The following SPATA6L variants were observed in gnomAD, a reference collection of about 807,000 sequenced individuals.
The protein encoded by SPATA6L is spermatogenesis associated 6 like.
SPATA6L carries 68 observed loss-of-function variants against 49.2 expected under a neutral mutation model. The ratio of observed to expected loss-of-function variants is 1.38; its 90% confidence interval spans 1.14 to 1.69. The LOEUF (loss-of-function observed/expected upper bound fraction) is 1.69. Among genes scored for constraint, SPATA6L ranks in the 40% most tolerant of loss-of-function variants. The pLI, the probability that SPATA6L is intolerant of heterozygous loss-of-function variation, is 0.00. For missense variants in SPATA6L, 668 were observed against 464.3 expected (o/e 1.44, Z -4.03); for synonymous variants, 198 against 165.7 (o/e 1.19, Z -1.50).
intron 2 of SPATA6L, among the ~76,000 whole-genome samples, chr9:4,660,360 A>G (rs951142669): frequency 5.9e-5 from 9 of 152,236 alleles, no homozygotes; most frequent in African/African-American, 1.7e-4. Flanking sequence ...CCCCATCAAA[A>G]AGTGGGTGAA....
chr9:4,636,859 C>T (rs1029867176), intron 3 of SPATA6L, among the ~76,000 whole-genome samples: 2 of 152,188 alleles, frequency 1.3e-5, no homozygotes, highest in Non-Finnish European at 2.9e-5. Flanking sequence ...GCTCCAGCCA[C>T]AATGGATTGA....
intron 6 of SPATA6L, 21 bp from the exon 7 acceptor site, chr9:4,622,531 T>A: frequency 5.2e-6 from 8 of 1,540,720 alleles, no homozygotes; most frequent in Non-Finnish European, 7.2e-6. Context: ...AGGAAAGAAA[T>A]AAGACTAGAA....
At chr9:4,666,112 TGTGGTAA>T in intron 1 of SPATA6L, 93 bp downstream of exon 1, 1 of 1,019,662 alleles carries the variant, frequency 9.8e-7, no homozygotes, top group African/African-American at 1.6e-5. Flanking sequence ...ATGATGTGTT[TGTGGTAA>T]GTGGGGGATG....
intron 3 of SPATA6L, chr9:4,646,295 G>C: frequency 2.6e-6 from 1 of 387,024 alleles, no homozygotes. Flanking sequence ...ACACCATAAA[G>C]TTATTATTCT....
intron 3 of SPATA6L, among the ~76,000 whole-genome samples, chr9:4,637,935 C>G (rs1833133661): frequency 6.6e-6 from 1 of 152,162 alleles, no homozygotes; most frequent in South Asian, 2.1e-4. Flanking sequence ...AACTCTTACC[C>G]TTCATTCATT....
At chr9:4,592,606 G>C (rs952799145) in intron 13 of SPATA6L, among the ~76,000 whole-genome samples, 1 of 152,184 alleles carries the variant, frequency 6.6e-6, no homozygotes, top group African/African-American at 2.4e-5. Flanking sequence ...AGAGTGCCAG[G>C]AGTGCTAGAA....
At position 4,625,189 on chromosome 9, in the gene SPATA6L, A is replaced by G; in HGVS notation, c.669+138T>C. On this transcript the variant is annotated intron_variant, in intron 6 of 11. Transcript: ENST00000682582. ...CGATCTAGGAAATGAACATAATTTA[A>G]TCACAATTATTATTCAATTTGAAGT... 6 of 1,388,202 alleles carry G rather than the reference A, an allele frequency of 4.3e-6. No individual in the cohort carries two copies. The East Asian group carries it at 1.5e-4, about 36-fold the overall frequency. The allele number at this position is 1,388,202 out of a possible 1,614,324, so 86.0% of individuals were successfully genotyped here.
rs1310172194 is a variant in SPATA6L at position 4,662,672 on chromosome 9, G to C, written c.40-636C>G. 4 of 1,600,340 alleles carry C rather than the reference G, an allele frequency of 2.5e-6. No homozygotes were observed. The highest frequency in any genetic ancestry group is 2.5e-6 in the Non-Finnish European group (3 of 1,179,862). On this transcript the variant is annotated intron_variant, in intron 1 of 11. Transcript: ENST00000682582. The surrounding 1 kb of genome is among the most constrained non-coding windows in gnomAD (Gnocchi z 4.9). ...GCATGGACTTGAACCCGTCCTTCCT[G>C]GGCATCGCCCTGCGCTCCCTGCTGG...
At chr9:4,598,058 T>G (rs1292642286), downstream of SPATA6L, among the ~76,000 whole-genome samples, 1 of 152,180 alleles carries the variant, frequency 6.6e-6, no homozygotes, top group Non-Finnish European at 1.5e-5. Flanking sequence ...CACTCTCATT[T>G]TTTAAAAATC....
At chr9:4,630,023 G>A (rs1462980023) in intron 4 of SPATA6L, among the ~76,000 whole-genome samples, 1 of 151,838 alleles carries the variant, frequency 6.6e-6, no homozygotes, top group African/African-American at 2.4e-5. Flanking sequence ...GATCTCAACA[G>A]CATTCTTCTA....
intron 3 of SPATA6L, among the ~76,000 whole-genome samples, chr9:4,647,357 C>T (rs1417591916): frequency 1.3e-5 from 2 of 152,004 alleles, no homozygotes; most frequent in Admixed American, 6.6e-5. Context: ...TTTGGGAGGC[C>T]GAGGTGAGCG....
intron 6 of SPATA6L, among the ~76,000 whole-genome samples, chr9:4,622,808 C>G (rs1829631804): frequency 6.6e-6 from 1 of 152,174 alleles, no homozygotes; most frequent in Admixed American, 6.5e-5. Context: ...AGAAAGAGAG[C>G]AAGTGAAGCT....
chr9:4,655,796 C>A (rs1838008739), intron 3 of SPATA6L, among the ~76,000 whole-genome samples: 1 of 152,110 alleles, frequency 6.6e-6, no homozygotes, highest in Non-Finnish European at 1.5e-5. Flanking sequence ...AGGGATTCAC[C>A]CGCCTCGGCC....
intron 6 of SPATA6L, among the ~76,000 whole-genome samples, chr9:4,624,061 A>G (rs1037768032): frequency 6.6e-6 from 1 of 152,226 alleles, no homozygotes; most frequent in African/African-American, 2.4e-5. Flanking sequence ...GAGATTTACT[A>G]CAATTCATAG....
chr9:4,648,379 G>C (rs1835923524), intron 3 of SPATA6L, among the ~76,000 whole-genome samples: 1 of 152,066 alleles, frequency 6.6e-6, no homozygotes, highest in African/African-American at 2.4e-5. Context: ...TATTTCCACA[G>C]GTTATTGGGG....
At chr9:4,637,048 C>T (rs1463964740) in intron 3 of SPATA6L, among the ~76,000 whole-genome samples, 2 of 152,166 alleles carry the variant, frequency 1.3e-5, no homozygotes, top group Non-Finnish European at 1.5e-5. Context: ...GGCTTCCCAT[C>T]GCATTAGAAT....
downstream of SPATA6L, among the ~76,000 whole-genome samples, chr9:4,597,279 CCTT>C (rs1482559054): frequency 3.3e-5 from 5 of 151,478 alleles, no homozygotes; most frequent in Non-Finnish European, 5.9e-5. Context: ...TAGGGAGACT[CCTT>C]CTCTATTTTT....
rs777185175 is a variant in SPATA6L at position 4,605,333 on chromosome 9, T to C, written c.1089+14A>G. The stretch of plus-strand genomic sequence containing the variant: ...TTTAGTGAGCAAAGATCTAGTTTTA[T>C]AAGAAAGTCTAACCTTGTTTTGGTG... On this transcript the variant is annotated intron_variant, in intron 10 of 11. Coordinates refer to ENST00000682582, the MANE Select transcript of SPATA6L (RefSeq NM_001353486.2). 1.9e-6 allele frequency: 3 copies of C among 1,602,968 alleles called. No homozygotes were observed. The South Asian group carries it at 3.3e-5, about 18-fold the overall frequency.
downstream of SPATA6L, among the ~76,000 whole-genome samples, chr9:4,594,563 T>C (rs1239884045): frequency 1.3e-5 from 2 of 152,196 alleles, no homozygotes; most frequent in African/African-American, 4.8e-5. Flanking sequence ...TCTAGGATCA[T>C]AAACATTTCT....
Sources: allele counts gnomAD v4.1 joint callset (sites outside exome capture counted in the v4.1 genomes callset), GRCh38; gene constraint gnomAD v4.1.1; non-coding constraint Gnocchi (gnomAD v3.1); transcripts MANE v1.5; gene names NCBI Gene and HGNC (gene_info 2026-07-23, HGNC 2026-07-21).